RCN3: variants seen among roughly 807,000 people sequenced by gnomAD.
The protein encoded by RCN3 is reticulocalbin-3.
Under a neutral mutation model 35.9 loss-of-function variants are expected in RCN3, and 41 were observed. That is an observed-to-expected ratio of 1.14 (90% CI 0.89 to 1.48). The LOEUF (loss-of-function observed/expected upper bound fraction) is 1.48, where lower values mean the gene tolerates loss of function less well. RCN3 is among the 40% of genes most tolerant of loss of function. RCN3 has a pLI of 0.00. For synonymous variants in RCN3, 187 were observed against 193.4 expected (o/e 0.97, Z 0.27); for missense variants, 451 against 471.3 (o/e 0.96, Z 0.40).
intron 2 of RCN3, among the ~76,000 whole-genome samples, chr19:49,532,699 G>T (rs994053904): frequency 8.3e-6 from 1 of 120,830 alleles, no homozygotes; most frequent in Non-Finnish European, 1.7e-5. Context: ...TATTTGAGAC[G>T]GAGTCTCGCT....
intron 1 of RCN3, 83 bp downstream of exon 1, chr19:49,528,141 G>A (rs1242629057): frequency 6.9e-6 from 2 of 290,244 alleles, no homozygotes; most frequent in Non-Finnish European, 6.4e-6. Context: ...GCAATGACGG[G>A]GAGCCTGCCT....
intron 2 of RCN3, among the ~76,000 whole-genome samples, chr19:49,530,886 G>T (rs2122715867): frequency 6.6e-6 from 1 of 152,328 alleles, no homozygotes; most frequent in Admixed American, 6.5e-5. Context: ...GGAGTGAATA[G>T]CATTCCAGGC....
Position 49,528,595 on chromosome 19 carries a change from C to T in RCN3, c.123C>T (p.Ser41=), listed in dbSNP as rs745347733. The change falls in exon 2 of 7, where the codon AGC becomes AGT. Residue 41 remains serine (S), a synonymous_variant. Coordinates refer to ENST00000270645, the MANE Select transcript of RCN3 (RefSeq NM_020650.3). ...GGGTGCACCAGGCGGCCCCCCTGAG[C>T]GACGCTCCCCATGATGACGCCCACG... ...QGRVHQAAPL[S]DAPHDDAHGN... 5.0e-6 allele frequency: 8 copies of T among 1,610,510 alleles called. No individual in the cohort carries two copies. In the South Asian group the frequency reaches 8.8e-5, roughly 18 times the overall value.
At chr19:49,542,257 C>G (rs999757533) in intron 5 of RCN3, among the ~76,000 whole-genome samples, 1 of 152,188 alleles carries the variant, frequency 6.6e-6, no homozygotes, top group African/African-American at 2.4e-5. Context: ...ACATTGCTTA[C>G]TATGTGCCAG....
chr19:49,534,233 G>T lies in RCN3; in HGVS notation c.283G>T (p.Gly95Cys). The T allele has an allele frequency of 2.7e-6, 4 of 1,476,308 alleles. No individual in the cohort carries two copies. The highest frequency in any genetic ancestry group is 3.6e-6 in the Non-Finnish European group (4 of 1,118,794). The allele number at this position is 1,476,308 out of a possible 1,614,324, so 91.5% of individuals were successfully genotyped here. Reference sequence around the variant, plus strand: ...CATGGACCGCGCGGGGGACGGCGACGGCTGGGTGTCGCTGGCCGAGCTTCG... The same window carrying T: ...CATGGACCGCGCGGGGGACGGCGACTGCTGGGTGTCGCTGGCCGAGCTTCG... Reference protein sequence around the residue: ...DRMDRAGDGDGWVSLAELRAW... With the variant: ...DRMDRAGDGDCWVSLAELRAW... The change falls in exon 3 of 7, where the codon GGC becomes TGC. Residue 95 changes from glycine to cysteine, a missense_variant. Transcript: ENST00000270645.
At position 49,534,245 on chromosome 19, in the gene RCN3, C is replaced by T. The variant is rs1193450510; in HGVS notation, c.295C>T (p.Leu99=). The T allele has an allele frequency of 1.4e-6, 2 of 1,473,008 alleles. No homozygotes were observed. The highest frequency in any genetic ancestry group is 1.8e-6 in the Non-Finnish European group (2 of 1,117,036). The allele number at this position is 1,473,008 out of a possible 1,614,324, so 91.2% of individuals were successfully genotyped here. ...RAGDGDGWVS[L]AELRAWIAHT... Reference sequence around the variant, plus strand: ...GGGGGACGGCGACGGCTGGGTGTCGCTGGCCGAGCTTCGCGCGTGGATCGC... The same window carrying T: ...GGGGGACGGCGACGGCTGGGTGTCGTTGGCCGAGCTTCGCGCGTGGATCGC... The change falls in exon 3 of 7, where the codon CTG becomes TTG. Residue 99 remains leucine, a synonymous_variant. Transcript: ENST00000270645.
chr19:49,536,362 A>T (rs1034254851), intron 3 of RCN3, among the ~76,000 whole-genome samples: 54 of 130,456 alleles, frequency 4.1e-4, no homozygotes, highest in African/African-American at 1.5e-3. Context: ...GTGCAATGGC[A>T]AGGTCTCGGC....
intron 2 of RCN3, 91 bp downstream of exon 2, chr19:49,528,805 A>G: frequency 2.2e-6 from 3 of 1,350,926 alleles, no homozygotes; most frequent in Non-Finnish European, 9.8e-7. Flanking sequence ...AATGGCGTGG[A>G]CTGAACTTCA....
rs947431786 is a variant in RCN3 at position 49,542,549 on chromosome 19, C to T, written c.680-4C>T. The T allele has an allele frequency of 4.4e-6, 7 of 1,585,006 alleles. No individual in the cohort carries two copies. The highest frequency in any genetic ancestry group is 5.1e-6 in the Non-Finnish European group (6 of 1,166,236). ...GACCTTGTCCCCTCTGTCCCGGCCC[C>T]CAGCGGATCTGTACTCAGCCGAGCC... On this transcript the variant is annotated splice_region_variant and splice_polypyrimidine_tract_variant and intron_variant, in intron 5 of 6. Coordinates refer to ENST00000270645, the MANE Select transcript of RCN3 (RefSeq NM_020650.3).
chr19:49,534,375 C>T lies in RCN3; in HGVS notation c.425C>T (p.Thr142Ile). 1 of 1,539,484 alleles carries T rather than the reference C, an allele frequency of 6.5e-7. No homozygotes were observed. Residue 142 changes from threonine (T) to isoleucine (I), a missense_variant, in exon 3 of 7, where the codon ACC (threonine) becomes ATC (isoleucine). Transcript: ENST00000270645. The stretch of plus-strand genomic sequence containing the variant: ...GGTTGGGAGGAGCTGCGCAACGCCA[C>T]CTATGGCCACTACGCGCCCGGTACG... ...RVGWEELRNA[T>I]YGHYAPGEEF...
intron 2 of RCN3, among the ~76,000 whole-genome samples, chr19:49,533,358 G>T (rs1049778809): frequency 1.3e-5 from 2 of 152,316 alleles, no homozygotes; most frequent in South Asian, 2.1e-4. Context: ...TAGGGACGGT[G>T]ACAGGGAGGA....
At chr19:49,539,718 A>ATTTTTT (rs58021494) in intron 5 of RCN3, among the ~76,000 whole-genome samples, 1 of 119,198 alleles carries the variant, frequency 8.4e-6, no homozygotes, top group Non-Finnish European at 1.7e-5. Flanking sequence ...CTAACAAGGA[A>ATTTTTT]TTTTTTTTTT....
At chr19:49,529,360 C>T (rs1190725410) in intron 2 of RCN3, among the ~76,000 whole-genome samples, 2 of 152,172 alleles carry the variant, frequency 1.3e-5, no homozygotes, top group Admixed American at 6.6e-5. Flanking sequence ...TTTAAGGAGC[C>T]CGGCCAGTGC....
rs566248811 is a variant in RCN3, at chr19:49,539,715, G to T, written c.679+536G>T. ...ATTTAGTCAAGGAGAACGCTAACAA[G>T]GAATTTTTTTTTTTTTTTTTTTTTT... On this transcript the variant is annotated intron_variant, in intron 5 of 6. Coordinates refer to ENST00000270645, the MANE Select transcript of RCN3 (RefSeq NM_020650.3). 8.1e-4 allele frequency among the ~76,000 whole-genome samples: 115 copies of T among 142,312 alleles called. 1 individual carries two copies. The highest frequency in any genetic ancestry group is 3.0e-3 in the African/African-American group (107 of 35,428). The allele number at this position is 142,312 out of a possible 152,430, so 93.4% of individuals were successfully genotyped here. A position where few individuals can be genotyped will look rare whatever the true frequency, so the allele number is the denominator to read the frequency against.
In RCN3 at chr19:49,534,284, C is replaced by T. The variant is rs2080123801; in HGVS notation, c.334C>T (p.Arg112Trp). ...CGCGTGGATCGCGCACACGCAGCAG[C>T]GGCACATACGGGACTCGGTGAGCGC... ...LRAWIAHTQQ[R>W]HIRDSVSAAW... The change falls in exon 3 of 7, where the codon CGG (arginine) becomes TGG (tryptophan). Residue 112 changes from arginine (R) to tryptophan (W), a missense_variant. Coordinates refer to ENST00000270645, the MANE Select transcript of RCN3 (RefSeq NM_020650.3). 6.1e-6 allele frequency: 9 copies of T among 1,471,084 alleles called. No homozygotes were observed. Among genetic ancestry groups the T allele is most frequent in the Non-Finnish European group, 7.2e-6 (8 of 1,113,632 alleles). The allele number at this position is 1,471,084 out of a possible 1,614,324, so 91.1% of individuals were successfully genotyped here.
At chr19:49,542,497 C>A in intron 5 of RCN3, 56 bp from the exon 6 acceptor site, 2 of 1,327,622 alleles carry the variant, frequency 1.5e-6, no homozygotes, top group Non-Finnish European at 2.1e-6. Flanking sequence ...CAGCCCCCAG[C>A]TCCACTAGAC....
intron 1 of RCN3, 184 bp downstream of exon 1, chr19:49,528,242 C>A: frequency 2.1e-6 from 1 of 465,592 alleles, no homozygotes; most frequent in Non-Finnish European, 3.8e-6. Flanking sequence ...GTCTGGGACC[C>A]CCCTGAGACT....
chr19:49,534,189 C>T lies in RCN3; in HGVS notation c.243-4C>T. The T allele has an allele frequency of 3.4e-6, 5 of 1,486,032 alleles. No homozygotes were observed. Among genetic ancestry groups the T allele is most frequent in the Admixed American group, 2.2e-5 (1 of 45,396 alleles). The allele number at this position is 1,486,032 out of a possible 1,614,324, so 92.1% of individuals were successfully genotyped here. ...GCCTGACGTGTGCCCGCCCCGGCTT[C>T]TAGGCGGATCGTGGACCGCATGGAC... On this transcript the variant is annotated splice_region_variant and splice_polypyrimidine_tract_variant and intron_variant, in intron 2 of 6. Coordinates refer to ENST00000270645, the MANE Select transcript of RCN3 (RefSeq NM_020650.3).
At position 49,543,507 on chromosome 19, in the gene RCN3, C is replaced by G; in HGVS notation, c.*294C>G. On this transcript the variant is annotated 3_prime_UTR_variant, in exon 7 of 7. Transcript: ENST00000270645. ...AGCTCAGCTCTAAGAACCGCCCCAACCCCTCCAGCTCCAAATCTGAGCCTC... is the reference window on the plus strand; with the variant it reads ...AGCTCAGCTCTAAGAACCGCCCCAAGCCCTCCAGCTCCAAATCTGAGCCTC... 2.3e-6 allele frequency: 1 copy of G among 425,740 alleles called. No homozygotes were observed. Among genetic ancestry groups the G allele is most frequent in the South Asian group, 2.7e-5 (1 of 36,664 alleles). 26.4% of individuals were successfully genotyped at this position (425,740 alleles called of 1,614,324 possible).
Sources: allele counts gnomAD v4.1 joint callset (sites outside exome capture counted in the v4.1 genomes callset), GRCh38; gene constraint gnomAD v4.1.1; transcripts MANE v1.5; gene names NCBI Gene and HGNC (gene_info 2026-07-23, HGNC 2026-07-21).